The following CAPN13 variants were observed in gnomAD, a reference collection of about 807,000 sequenced individuals.
CAPN13 encodes the protein calpain 13, also known as calpain-13.
In CAPN13, 90 loss-of-function variants were observed where a neutral mutation model predicts 98.4. That is an observed-to-expected ratio of 0.92 (90% CI 0.77 to 1.09). The LOEUF is 1.09. Among genes scored for constraint, CAPN13 ranks in the 50% least tolerant of loss-of-function variants. CAPN13 has a pLI of 0.00. For synonymous variants in CAPN13, 330 were observed against 305.5 expected (o/e 1.08, Z -0.84); for missense variants, 887 against 841.3 (o/e 1.05, Z -0.67).
At chr2:30,796,746 A>G (rs1255792722) in intron 1 of CAPN13, among the ~76,000 whole-genome samples, 1 of 152,218 alleles carries the variant, frequency 6.6e-6, no homozygotes, top group Non-Finnish European at 1.5e-5. Context: ...GCTAAATTTC[A>G]TTTTGAAAAT....
intron 1 of CAPN13, among the ~76,000 whole-genome samples, chr2:30,803,302 C>T (rs969934893): frequency 2.0e-5 from 3 of 152,164 alleles, no homozygotes; most frequent in Non-Finnish European, 2.9e-5. Context: ...GTGCATCTCC[C>T]GAAGGCAGTG....
intron 15 of CAPN13, 161 bp downstream of exon 15, chr2:30,741,747 C>T: frequency 1.4e-6 from 2 of 1,473,042 alleles, no homozygotes; most frequent in Non-Finnish European, 1.8e-6. Flanking sequence ...AGCTTGGCAG[C>T]CACAGCAGTT....
Position 30,751,091 on chromosome 2 carries a change from A to G in CAPN13, c.1236+12T>C, listed in dbSNP as rs550372206. ...TTTCTACAAGGGAAAGCCCTGAAGC[A>G]GGCTGCCTTACCAGAATCACTTGGA... On this transcript the variant is annotated intron_variant, in intron 11 of 22. Transcript: ENST00000295055. 3.8e-5 allele frequency: 62 copies of G among 1,612,808 alleles called. No homozygotes were observed. The highest frequency in any genetic ancestry group is 5.2e-5 in the Non-Finnish European group (61 of 1,179,412).
intron 19 of CAPN13, among the ~76,000 whole-genome samples, chr2:30,733,334 T>TCTCCTGCTGCCAC (rs58789902): frequency 1.3e-5 from 2 of 151,934 alleles, no homozygotes; most frequent in East Asian, 2.0e-4. Context: ...AGCCAGGTCC[T>TCTCCTGCTGCCAC]GTTCTCAGTC....
intron 22 of CAPN13, among the ~76,000 whole-genome samples, chr2:30,730,349 G>T (rs2609910): frequency 6.6e-6 from 1 of 152,170 alleles, no homozygotes; most frequent in Non-Finnish European, 1.5e-5. Context: ...GCTAGAGCCC[G>T]CTCTTCTCTC....
intron 11 of CAPN13, chr2:30,746,426 T>C (rs148533173): frequency 6.5e-6 from 1 of 154,754 alleles, no homozygotes; most frequent in East Asian, 1.9e-4. Context: ...TTATTAGGTA[T>C]GAATTTTACA....
At chr2:30,797,726 C>A (rs1333351549) in intron 1 of CAPN13, among the ~76,000 whole-genome samples, 1 of 152,230 alleles carries the variant, frequency 6.6e-6, no homozygotes, top group Non-Finnish European at 1.5e-5. Flanking sequence ...AACCTCGGGT[C>A]TCTCCAGGTT....
At chr2:30,757,750 C>A (rs1416085633) in intron 8 of CAPN13, among the ~76,000 whole-genome samples, 1 of 152,220 alleles carries the variant, frequency 6.6e-6, no homozygotes, top group African/African-American at 2.4e-5. Context: ...GGATTCCCTG[C>A]TGTAGACTGT....
intron 4 of CAPN13, among the ~76,000 whole-genome samples, chr2:30,773,994 T>C (rs912524458): frequency 2.0e-4 from 30 of 150,888 alleles, no homozygotes; most frequent in Admixed American, 1.6e-3. Context: ...AGTTATGAAT[T>C]ATATTCTCCA....
chr2:30,764,211 G>C lies in CAPN13; in HGVS notation c.620C>G (p.Ser207Cys). Residue 207 changes from serine (S) to cysteine (C), a missense_variant, in exon 6 of 23, where the codon TCT becomes TGT. Ser to Cys is a moderately radical substitution (Grantham distance 112). Transcript: ENST00000295055. ...GGVITNIHLHSSPVDLVKAVK... is the reference protein window; with the variant it reads ...GGVITNIHLHCSPVDLVKAVK... ...TGCCTTCACCAGGTCCACAGGGGAA[G>C]AGTGCAGATGGATGTTGGTGATCAC... The C allele has an allele frequency of 1.2e-6, 2 of 1,611,816 alleles. No individual in the cohort carries two copies. The highest frequency in any genetic ancestry group is 1.7e-6 in the Non-Finnish European group (2 of 1,179,028).
At chr2:30,787,434 G>T in intron 1 of CAPN13, 77 bp from the exon 2 acceptor site, 1 of 1,111,570 alleles carries the variant, frequency 9.0e-7, no homozygotes, top group Non-Finnish European at 1.3e-6. Context: ...CCCCAGATGG[G>T]CACTCTGATA....
chr2:30,739,178 A>G (rs1292797970), intron 15 of CAPN13, among the ~76,000 whole-genome samples: 1 of 152,158 alleles, frequency 6.6e-6, no homozygotes, highest in Non-Finnish European at 1.5e-5. Context: ...TTTCACAGAG[A>G]CATGGAGCTA....
chr2:30,796,937 G>A (rs1674913970), intron 1 of CAPN13, among the ~76,000 whole-genome samples: 1 of 152,208 alleles, frequency 6.6e-6, no homozygotes. Flanking sequence ...GAGTGTTTGA[G>A]TAACATAAGC....
At position 30,738,218 on chromosome 2, in the gene CAPN13, A is replaced by G. The variant is rs545374901; in HGVS notation, c.1653+17T>C. ...GAGGGGTGCTCAGAGCATGGGAGGG[A>G]TGACCGCAAAGGATACTTCCATCAG... On this transcript the variant is annotated intron_variant, in intron 17 of 22. Coordinates refer to ENST00000295055, the MANE Select transcript of CAPN13 (RefSeq NM_144575.3). The G allele has an allele frequency of 1.2e-6, 2 of 1,613,834 alleles. No individual in the cohort carries two copies. Among genetic ancestry groups the G allele is most frequent in the African/African-American group, 1.3e-5 (1 of 75,020 alleles).
Position 30,750,936 on chromosome 2 carries a change from T to C in CAPN13, c.1236+167A>G, listed in dbSNP as rs140906881. ...CGAGTGTCATCTTTCTGGCCTCAGA[T>C]TTTTTGCACATTTAGACTTGGACTG... On this transcript the variant is annotated intron_variant, in intron 11 of 22. Coordinates refer to ENST00000295055, the MANE Select transcript of CAPN13 (RefSeq NM_144575.3). Among the ~76,000 whole-genome samples, 329 of 152,280 alleles carry C rather than the reference T, an allele frequency of 2.2e-3. 1 individual carries two copies. Among genetic ancestry groups the C allele is most frequent in the Admixed American group, 4.9e-3 (75 of 15,296 alleles).
intron 22 of CAPN13, 133 bp downstream of exon 22, chr2:30,730,597 T>C (rs1037085904): frequency 8.2e-5 from 49 of 595,260 alleles, no homozygotes; most frequent in Admixed American, 5.5e-4. Context: ...CAGCTAAGCC[T>C]TGGTTCACTT....
intron 2 of CAPN13, 58 bp from the exon 3 acceptor site, chr2:30,777,697 G>A (rs1053449511): frequency 6.7e-6 from 9 of 1,335,066 alleles, no homozygotes; most frequent in South Asian, 2.5e-5. Context: ...ATCCCAAAGC[G>A]ACATCATTCA....
intron 2 of CAPN13, among the ~76,000 whole-genome samples, chr2:30,778,347 C>T (rs867403518): frequency 6.6e-6 from 1 of 152,262 alleles, no homozygotes; most frequent in Middle Eastern, 3.4e-3. Flanking sequence ...TGTCAGCAGG[C>T]ACCAAAATTG....
At chr2:30,733,055 A>G (rs2147948267) in intron 19 of CAPN13, among the ~76,000 whole-genome samples, 1 of 152,332 alleles carries the variant, frequency 6.6e-6, no homozygotes, top group African/African-American at 2.4e-5. Flanking sequence ...AGCAGAATGC[A>G]GAAGGTGGCC....
Sources: gnomAD v4.1 joint callset for allele counts (sites outside exome capture counted in the v4.1 genomes callset) on GRCh38, gnomAD v4.1.1 for gene constraint, MANE v1.5 for transcripts, NCBI Gene and HGNC (gene_info 2026-07-23, HGNC 2026-07-21) for gene names.